The following BAIAP2 variants were observed in gnomAD, a reference collection of about 807,000 sequenced individuals.
BAIAP2 encodes BAR/IMD domain-containing adapter protein 2.
In BAIAP2, 18 loss-of-function variants were observed where a neutral mutation model predicts 63.0. The observed-to-expected ratio is 0.29, with a 90% CI of 0.20 to 0.42. The LOEUF is 0.42. BAIAP2 is among the 10% of genes least tolerant of loss of function. BAIAP2 has a pLI of 1.00. For synonymous variants in BAIAP2, 386 were observed against 307.6 expected, an observed-to-expected ratio of 1.25 and a Z score of -2.67; for missense variants, 610 against 734.3, an observed-to-expected ratio of 0.83 and a Z score of 1.96.
At chr17:81,098,866 T>G (rs1568166036) in intron 6 of BAIAP2, among the ~76,000 whole-genome samples, 1 of 152,160 alleles carries the variant, frequency 6.6e-6, no homozygotes, top group Non-Finnish European at 1.5e-5. Context: ...GGTTCTAGGG[T>G]CTGGCTTGAC....
chr17:81,091,186 GCCCCA>G lies in BAIAP2; in HGVS notation c.489+4628_489+4632del, dbSNP rs113764466. Reference sequence around the variant, plus strand: ...AGTGCACCCCACCCCCATTTATGTGGCCCCACCCCACCCCACCCCACCCCACAGGC... The same window carrying G: ...AGTGCACCCCACCCCCATTTATGTGGCCCCACCCCACCCCACCCCACAGGC... On this transcript the variant is annotated intron_variant, in intron 6 of 13. Transcript: ENST00000428708. 2.3e-3 allele frequency among the ~76,000 whole-genome samples: 253 copies of G among 111,984 alleles called. 1 individual carries two copies. Among genetic ancestry groups the G allele is most frequent in the Admixed American group, 4.5e-3 (49 of 11,002 alleles). The allele number at this position is 111,984 out of a possible 152,430, so 73.5% of individuals were successfully genotyped here. A position where few individuals can be genotyped will look rare whatever the true frequency, so the allele number is the denominator to read the frequency against.
At chr17:81,067,939 A>T (rs562268304) in intron 3 of BAIAP2, among the ~76,000 whole-genome samples, 1 of 152,174 alleles carries the variant, frequency 6.6e-6, no homozygotes, top group Non-Finnish European at 1.5e-5. Context: ...CTTCCTCCTC[A>T]AGCCAGGAGC....
At chr17:81,076,733 A>G (rs1333728682) in intron 3 of BAIAP2, among the ~76,000 whole-genome samples, 2 of 152,212 alleles carry the variant, frequency 1.3e-5, no homozygotes, top group Admixed American at 6.5e-5. Context: ...CTGTAATCCC[A>G]GCACTTTGGG....
At chr17:81,084,064 C>T (rs934129091) in intron 3 of BAIAP2, among the ~76,000 whole-genome samples, 3 of 152,182 alleles carry the variant, frequency 2.0e-5, no homozygotes, top group Non-Finnish European at 2.9e-5. Context: ...CCTCTGACGG[C>T]GCTTACCCTG....
chr17:81,117,431 A>G lies in BAIAP2; in HGVS notation c.*1592A>G, dbSNP rs1035873825. ...TAAACTTTACATCTCTTTGGCAACA[A>G]TAACTTAAAATCACCCAACTTCCAT... On this transcript the variant is annotated 3_prime_UTR_variant, in exon 14 of 14. Transcript: ENST00000428708. The G allele has an allele frequency of 1.3e-5, 2 of 152,310 alleles. No homozygotes were observed. The highest frequency in any genetic ancestry group is 2.9e-5 in the Non-Finnish European group (2 of 68,056). The allele number at this position is 152,310 out of a possible 1,614,324, so 9.4% of individuals were successfully genotyped here.
At chr17:81,076,112 G>A (rs2053621749) in intron 3 of BAIAP2, among the ~76,000 whole-genome samples, 1 of 152,204 alleles carries the variant, frequency 6.6e-6, no homozygotes, top group Non-Finnish European at 1.5e-5. Flanking sequence ...GAGAGGCCTG[G>A]CTGCTTGGCT....
intron 2 of BAIAP2, among the ~76,000 whole-genome samples, chr17:81,055,615 GAC>G (rs2049403621): frequency 9.2e-6 from 1 of 108,498 alleles, no homozygotes. Context: ...GCCCAGGCCA[GAC>G]TGCAGTGGCG....
chr17:81,062,762 A>G (rs957393223), intron 3 of BAIAP2, among the ~76,000 whole-genome samples: 2 of 142,036 alleles, frequency 1.4e-5, no homozygotes, highest in Non-Finnish European at 3.0e-5. Flanking sequence ...CGTGTCTGCC[A>G]TTGTCTCTGC....
chr17:81,058,333 G>A (rs59325016), intron 3 of BAIAP2, among the ~76,000 whole-genome samples: 106 of 152,352 alleles, frequency 7.0e-4, no homozygotes, highest in African/African-American at 2.5e-3. Context: ...GCAAGCCCAC[G>A]TGTGGTGTGG....
intron 6 of BAIAP2, among the ~76,000 whole-genome samples, chr17:81,092,251 A>G (rs1018022038): frequency 6.6e-6 from 1 of 152,178 alleles, no homozygotes; most frequent in African/African-American, 2.4e-5. Context: ...GGCTGGGCCC[A>G]TGGCACGTGT....
intron 3 of BAIAP2, among the ~76,000 whole-genome samples, chr17:81,071,408 G>C (rs193249486): frequency 2.0e-5 from 3 of 152,290 alleles, no homozygotes; most frequent in African/African-American, 7.2e-5. Context: ...ATGAGCTCTC[G>C]AGGTGCCTTT....
At chr17:81,105,374 A>G (rs2059052654) in intron 10 of BAIAP2, 1 of 153,914 alleles carries the variant, frequency 6.5e-6, no homozygotes, top group African/African-American at 2.4e-5. Context: ...TCAGTTTCCC[A>G]CAGTTCGCAG....
intron 3 of BAIAP2, among the ~76,000 whole-genome samples, chr17:81,072,248 C>T (rs1204166164): frequency 1.3e-5 from 2 of 152,238 alleles, no homozygotes; most frequent in Admixed American, 1.3e-4. Context: ...GGGAGACCTG[C>T]GCAGGCCCCA....
At chr17:81,108,182 T>C in intron 12 of BAIAP2, 1 of 489,254 alleles carries the variant, frequency 2.0e-6, no homozygotes, top group South Asian at 2.9e-5. Flanking sequence ...AGGAGGGGTC[T>C]CAGGCGGCCA....
rs143516119 is a variant in BAIAP2 at position 81,085,626 on chromosome 17, G to A, written c.280-28G>A. The A allele has an allele frequency of 2.8e-4, 454 of 1,600,734 alleles. No individual in the cohort carries two copies. The East Asian group carries it at 9.4e-3, about 33-fold the overall frequency. On this transcript the variant is annotated intron_variant, in intron 4 of 13. Transcript: ENST00000428708. ...TCCGGGTCCATGTGTTGGAGCTGAC[G>A]GCTGATGTGTTTTCTCTCCATGTCC... is the stretch of plus-strand genomic sequence containing the variant.
intron 12 of BAIAP2, 153 bp from the exon 13 acceptor site, chr17:81,108,322 A>T: frequency 1.3e-6 from 1 of 761,320 alleles, no homozygotes; most frequent in Non-Finnish European, 2.2e-6. Flanking sequence ...CAGGTCTCTG[A>T]GTGCTGCAGC....
intron 13 of BAIAP2, among the ~76,000 whole-genome samples, chr17:81,113,836 G>C (rs912840813): frequency 6.6e-6 from 1 of 152,180 alleles, no homozygotes; most frequent in Non-Finnish European, 1.5e-5. Context: ...CAAGCGATGT[G>C]CCTTTGCCAC....
intron 1 of BAIAP2, among the ~76,000 whole-genome samples, chr17:81,039,902 G>GC (rs1226126763): frequency 1.3e-5 from 2 of 152,204 alleles, no homozygotes; most frequent in East Asian, 3.8e-4. Flanking sequence ...TGGCCGGGAG[G>GC]CTGAAGCCCG....
chr17:81,102,762 C>T (rs1284180323), intron 7 of BAIAP2, among the ~76,000 whole-genome samples: 2 of 152,164 alleles, frequency 1.3e-5, no homozygotes, highest in African/African-American at 4.8e-5. Flanking sequence ...CGGAGAGGCC[C>T]CCAGAGGTGC....
Sources: allele counts gnomAD v4.1 joint callset (sites outside exome capture counted in the v4.1 genomes callset), GRCh38; gene constraint gnomAD v4.1.1; transcripts MANE v1.5; gene names NCBI Gene and HGNC (gene_info 2026-07-23, HGNC 2026-07-21).